The following CD34 variants were observed in gnomAD, a reference collection of about 807,000 sequenced individuals.
CD34 encodes CD34 molecule.
A neutral mutation model predicts 40.1 loss-of-function variants in CD34; 34 were observed. That is an observed-to-expected ratio of 0.85 (90% CI 0.65 to 1.13). The LOEUF (loss-of-function observed/expected upper bound fraction) is 1.13. CD34 is among the 50% of genes most tolerant of loss of function. CD34 has a pLI of 0.00. For synonymous variants in CD34, 209 were observed against 190.0 expected, an observed-to-expected ratio of 1.10 and a Z score of -0.82; for missense variants, 426 against 466.9, an observed-to-expected ratio of 0.91 and a Z score of 0.81.
Position 207,887,932 on chromosome 1 carries a change from T to C in CD34, c.973-9A>G. ...TAATAAGGGTCTTCGCCCTAGACAG[T>C]GTATAAATAAAGTAGCATTATCTGG... is the stretch of plus-strand genomic sequence containing the variant. On this transcript the variant is annotated splice_polypyrimidine_tract_variant and intron_variant, in intron 7 of 7. Coordinates refer to ENST00000310833, the MANE Select transcript of CD34 (RefSeq NM_001025109.2). 6.2e-7 allele frequency: 1 copy of C among 1,610,614 alleles called. No individual in the cohort carries two copies. The highest frequency in any genetic ancestry group is 8.5e-7 in the Non-Finnish European group (1 of 1,178,602).
intron 1 of CD34, among the ~76,000 whole-genome samples, chr1:207,907,541 T>C (rs538099919): frequency 6.6e-6 from 1 of 152,276 alleles, no homozygotes; most frequent in East Asian, 1.9e-4. Context: ...GAAGTATCAG[T>C]TTGATTTCAT....
chr1:207,887,744 T>C lies in CD34; in HGVS notation c.1152A>G (p.Glu384=), dbSNP rs1381713396. ...CTTGCCCCACCTAGCCGAGTCACAA[T>C]TCGGTATCAGCCACCACGTGTTGTC... is the stretch of plus-strand genomic sequence containing the variant. ...SARQHVVADT[E]L The change falls in exon 8 of 8, where the codon GAA becomes GAG. Residue 384 remains glutamate (E), a synonymous_variant. Transcript: ENST00000310833. The C allele has an allele frequency of 2.5e-6, 4 of 1,614,120 alleles. No homozygotes were observed. In the African/African-American group the frequency reaches 4.0e-5, roughly 16 times the overall value.
At chr1:207,895,090 A>T (rs74629708) in intron 4 of CD34, among the ~76,000 whole-genome samples, 2 of 152,344 alleles carry the variant, frequency 1.3e-5, no homozygotes, top group East Asian at 3.9e-4. Flanking sequence ...GGCTCCCAAC[A>T]TTAGAACCAA....
At position 207,898,979 on chromosome 1, in the gene CD34, G is replaced by A; in HGVS notation, c.510C>T (p.Asp170=). The A allele has an allele frequency of 2.5e-6, 4 of 1,614,134 alleles. No individual in the cohort carries two copies. The highest frequency in any genetic ancestry group is 3.4e-6 in the Non-Finnish European group (4 of 1,179,938). ...TTTGGCCCAATTCACCCACCTTGAT[G>A]TCACTTAGGATAGGAGAAGATGATG... ...PYTSSSPILS[D]IKAEIKCSGI... Residue 170 remains aspartate (D), a synonymous_variant, in exon 3 of 8, where the codon GAC becomes GAT. Coordinates refer to ENST00000310833, the MANE Select transcript of CD34 (RefSeq NM_001025109.2).
chr1:207,890,048 A>G, intron 4 of CD34: 2 of 1,361,650 alleles, frequency 1.5e-6, no homozygotes, highest in South Asian at 1.7e-5. Flanking sequence ...TGAGGAGGAG[A>G]GAACAAATCT....
intron 7 of CD34, among the ~76,000 whole-genome samples, chr1:207,888,478 G>A (rs986215700): frequency 2.6e-5 from 4 of 152,200 alleles, no homozygotes; most frequent in African/African-American, 7.2e-5. Flanking sequence ...TAGGTGGGCT[G>A]GCACCATTAC....
chr1:207,890,715 G>A (rs1662013662), intron 4 of CD34, among the ~76,000 whole-genome samples: 1 of 152,186 alleles, frequency 6.6e-6, no homozygotes. Flanking sequence ...ATAAGGCCAG[G>A]AGAGTGTGGT....
chr1:207,890,036 G>A, intron 4 of CD34: 3 of 1,376,356 alleles, frequency 2.2e-6, no homozygotes, highest in Non-Finnish European at 2.8e-6. Flanking sequence ...AGCCAAGGGA[G>A]GTGAGGAGGA....
intron 1 of CD34, among the ~76,000 whole-genome samples, chr1:207,909,565 T>C (rs1662456474): frequency 6.6e-6 from 1 of 152,086 alleles, no homozygotes; most frequent in African/African-American, 2.4e-5. Context: ...TGTGCCACCA[T>C]GCCCAGCTAA....
intron 6 of CD34, 31 bp from the exon 7 acceptor site, chr1:207,888,877 GTCA>G: frequency 6.2e-7 from 1 of 1,610,340 alleles, no homozygotes. Flanking sequence ...GATACAGCCT[GTCA>G]CTTGCCAAAA....
In CD34 at chr1:207,886,660, C is replaced by G. The variant is rs1458672883; in HGVS notation, c.*1078G>C. ...TCCAACCGTCATTGAAACCAGGATC[C>G]CTGCTCAACCCCTCTGGAAAGAAAT... On this transcript the variant is annotated 3_prime_UTR_variant, in exon 8 of 8. Coordinates refer to ENST00000310833, the MANE Select transcript of CD34 (RefSeq NM_001025109.2). 6.5e-6 allele frequency: 1 copy of G among 152,794 alleles called. No individual in the cohort carries two copies. Among genetic ancestry groups the G allele is most frequent in the Admixed American group, 6.5e-5 (1 of 15,304 alleles). The allele number at this position is 152,794 out of a possible 1,614,324, so 9.5% of individuals were successfully genotyped here.
rs1300501995 is a variant in CD34, at chr1:207,884,033, C to T, written c.*3705G>A. On this transcript the variant is annotated 3_prime_UTR_variant, in exon 8 of 8. Transcript: ENST00000310833. ...ACTAAAAAGGCCCCATGTAGTCTGA[C>T]CTCCTGCCTCTCCCCACCCCCACTC... is the stretch of plus-strand genomic sequence containing the variant. 6.6e-6 allele frequency: 1 copy of T among 152,236 alleles called. No individual in the cohort carries two copies. The highest frequency in any genetic ancestry group is 2.4e-5 in the African/African-American group (1 of 41,446). The allele number at this position is 152,236 out of a possible 1,614,324, so 9.4% of individuals were successfully genotyped here. A position where few individuals can be genotyped will look rare whatever the true frequency, so the allele number is the denominator to read the frequency against.
chr1:207,888,748 A>G lies in CD34; in HGVS notation c.906T>C (p.Ala302=). The G allele has an allele frequency of 1.9e-6, 3 of 1,614,228 alleles. No individual in the cohort carries two copies. Among genetic ancestry groups the G allele is most frequent in the Non-Finnish European group, 2.5e-6 (3 of 1,180,024 alleles). The stretch of plus-strand genomic sequence containing the variant: ...GGAAATAGCCAGTGATGCCCAAGAC[A>G]GCCAGCAGGGCTCCCGAGGTGACCA... ...IALVTSGALL[A]VLGITGYFLM... is the part of the protein sequence containing the mutation. Residue 302 remains alanine, a synonymous_variant, in exon 7 of 8, where the codon GCT becomes GCC. Transcript: ENST00000310833.
intron 4 of CD34, chr1:207,890,241 G>C (rs1430821040): frequency 2.0e-6 from 2 of 995,374 alleles, no homozygotes; most frequent in Non-Finnish European, 1.2e-6. Context: ...TTGCTGACTG[G>C]GCCATCAGAC....
chr1:207,884,560 C>T lies in CD34; in HGVS notation c.*3178G>A, dbSNP rs896205144. ...GAAGCAGCATCCTGTTGCACAAAATCGATGACCTATTACTGGTTTTGTGTG... is the reference window on the plus strand; with the variant it reads ...GAAGCAGCATCCTGTTGCACAAAATTGATGACCTATTACTGGTTTTGTGTG... On this transcript the variant is annotated 3_prime_UTR_variant, in exon 8 of 8. Coordinates refer to ENST00000310833, the MANE Select transcript of CD34 (RefSeq NM_001025109.2). 2.6e-5 allele frequency: 4 copies of T among 152,190 alleles called. No homozygotes were observed. The highest frequency in any genetic ancestry group is 1.9e-4 in the East Asian group (1 of 5,194). 9.4% of individuals were successfully genotyped at this position (152,190 alleles called of 1,614,324 possible).
intron 4 of CD34, 173 bp from the exon 5 acceptor site, chr1:207,889,794 C>T: frequency 6.4e-7 from 1 of 1,574,740 alleles, no homozygotes; most frequent in Non-Finnish European, 8.6e-7. Flanking sequence ...TGCAACAACA[C>T]AATAAGAAAA....
intron 7 of CD34, chr1:207,888,136 T>A (rs367888908): frequency 5.0e-6 from 8 of 1,613,624 alleles, no homozygotes; most frequent in Middle Eastern, 1.6e-4. Context: ...AGAAAGGACA[T>A]AGGAGAGGCA....
chr1:207,898,846 G>A (rs981015979), intron 3 of CD34, 127 bp downstream of exon 3: 31 of 981,782 alleles, frequency 3.2e-5, no homozygotes, highest in South Asian at 4.5e-5. Flanking sequence ...GTGTATTTCC[G>A]TGCTGATTCC....
Position 207,887,554 on chromosome 1 carries a change from T to C in CD34, c.*184A>G, listed in dbSNP as rs563444589. 3.9e-6 allele frequency: 3 copies of C among 778,102 alleles called. No individual in the cohort carries two copies. The highest frequency in any genetic ancestry group is 6.0e-6 in the Non-Finnish European group (3 of 500,918). 48.2% of individuals were successfully genotyped at this position (778,102 alleles called of 1,614,324 possible). A position where few individuals can be genotyped will look rare whatever the true frequency, so the allele number is the denominator to read the frequency against. On this transcript the variant is annotated 3_prime_UTR_variant, in exon 8 of 8. Coordinates refer to ENST00000310833, the MANE Select transcript of CD34 (RefSeq NM_001025109.2). ...GTCTGGCTCCAGGGAGCCGAATGTG[T>C]AAAGGACAGGAGTTTACCTGCCCCT...
Sources: gnomAD v4.1 joint callset for allele counts (sites outside exome capture counted in the v4.1 genomes callset) on GRCh38, gnomAD v4.1.1 for gene constraint, MANE v1.5 for transcripts, NCBI Gene and HGNC (gene_info 2026-07-23, HGNC 2026-07-21) for gene names.